Variants in PCDHGA1 observed in about 807,000 individuals in gnomAD.
PCDHGA1 encodes protocadherin gamma-A1.
A neutral mutation model predicts 58.0 loss-of-function variants in PCDHGA1; 32 were observed. The observed-to-expected ratio is 0.55, with a 90% CI of 0.42 to 0.74. The LOEUF is 0.74. Ranked by LOEUF, PCDHGA1 falls within the 30% of genes least tolerant of loss-of-function variation. The probability of loss-of-function intolerance (pLI) is 0.00; values close to 1 mark genes in which losing one functional copy is unlikely to be tolerated. For missense variants in PCDHGA1, 1,205 were observed against 1,182.3 expected, an observed-to-expected ratio of 1.02 and a Z score of -0.28; for synonymous variants, 498 against 501.1, an observed-to-expected ratio of 0.99 and a Z score of 0.08.
intron 1 of PCDHGA1, 179 bp downstream of exon 1, chr5:141,333,284 A>T: frequency 1.1e-6 from 1 of 949,320 alleles, no homozygotes. Context: ...TATATTTATA[A>T]TTGTTCTTGC....
At chr5:141,383,468 A>C in intron 1 of PCDHGA1, 1 of 1,613,774 alleles carries the variant, frequency 6.2e-7, no homozygotes, top group Non-Finnish European at 8.5e-7. Context: ...GATGAAACTA[A>C]GTACCCGGAA....
At chr5:141,344,232 G>C (rs762455729) in intron 1 of PCDHGA1, 2 of 1,614,044 alleles carry the variant, frequency 1.2e-6, no homozygotes, top group South Asian at 1.1e-5. Context: ...AGTCCGCATC[G>C]TCTCCAGAGG....
intron 1 of PCDHGA1, among the ~76,000 whole-genome samples, chr5:141,347,295 A>G (rs1045805514): frequency 2.0e-5 from 3 of 151,892 alleles, no homozygotes; most frequent in African/African-American, 7.3e-5. Flanking sequence ...CTGGGACTAC[A>G]GGCACGAGCC....
chr5:141,434,253 G>C (rs979768901), intron 1 of PCDHGA1, among the ~76,000 whole-genome samples: 9 of 152,198 alleles, frequency 5.9e-5, no homozygotes, highest in Non-Finnish European at 1.3e-4. Flanking sequence ...CTTGGGCATT[G>C]TGGGGGAGGT....
intron 1 of PCDHGA1, among the ~76,000 whole-genome samples, chr5:141,482,799 C>T (rs933003208): frequency 6.6e-6 from 1 of 152,086 alleles, no homozygotes; most frequent in Non-Finnish European, 1.5e-5. Flanking sequence ...TGGCCGGGTA[C>T]GGTGGCTCAT....
rs770596172 is a variant in PCDHGA1, at chr5:141,487,664, G to A, written c.2422-7143G>A. ...AATGCTTGAGGGTTATTCTGATCCA[G>A]GCATATGGCTAGGCCATGTCCTAGA... On this transcript the variant is annotated intron_variant, in intron 1 of 3. Transcript: ENST00000517417. The surrounding 1 kb of genome is among the most constrained non-coding windows in gnomAD (Gnocchi z 5.0). 1.9e-5 allele frequency: 31 copies of A among 1,613,048 alleles called. No individual in the cohort carries two copies. The South Asian group carries it at 3.4e-4, about 18-fold the overall frequency.
At chr5:141,506,910 G>C (rs1165112258) in intron 3 of PCDHGA1, among the ~76,000 whole-genome samples, 1 of 152,082 alleles carries the variant, frequency 6.6e-6, no homozygotes, top group Admixed American at 6.5e-5. Context: ...ATCACACCTG[G>C]GCACATACTA....
Position 141,343,949 on chromosome 5 carries a change from G to T in PCDHGA1, c.2421+10844G>T. On this transcript the variant is annotated intron_variant, in intron 1 of 3. Coordinates refer to ENST00000517417, the MANE Select transcript of PCDHGA1 (RefSeq NM_018912.3). ...TGACCTGTGAATTAGGCCCGTAAAAGACTTCGTTTCTTGAGAAAATAAGAT... is the reference window on the plus strand; with the variant it reads ...TGACCTGTGAATTAGGCCCGTAAAATACTTCGTTTCTTGAGAAAATAAGAT... The T allele has an allele frequency of 2.3e-6, 3 of 1,293,370 alleles. No individual in the cohort carries two copies. The South Asian group carries it at 4.9e-5, about 21-fold the overall frequency. 80.1% of individuals were successfully genotyped at this position (1,293,370 alleles called of 1,614,324 possible).
chr5:141,503,630 A>G, intron 2 of PCDHGA1, among the ~76,000 whole-genome samples: 1 of 152,088 alleles, frequency 6.6e-6, no homozygotes, highest in Admixed American at 6.6e-5. Flanking sequence ...AAGAAAAGAA[A>G]TAATTATTGA....
chr5:141,356,031 G>T (rs759003895), intron 1 of PCDHGA1: 1 of 1,613,836 alleles, frequency 6.2e-7, no homozygotes, highest in Admixed American at 1.7e-5. Flanking sequence ...ATGGAGACGT[G>T]ACGTATTCTT....
At chr5:141,488,978 C>T (rs1346335195) in intron 1 of PCDHGA1, 4 of 388,976 alleles carry the variant, frequency 1.0e-5, no homozygotes, top group African/African-American at 2.1e-5. Flanking sequence ...GCCAATCAGA[C>T]TCAGAGCTGA....
At chr5:141,356,327 C>G (rs1446078924) in intron 1 of PCDHGA1, 10 of 1,554,192 alleles carry the variant, frequency 6.4e-6, no homozygotes, top group African/African-American at 1.4e-5. Context: ...GACAGTGACT[C>G]AGGAGGAAAT....
intron 1 of PCDHGA1, chr5:141,412,940 T>G: frequency 2.2e-6 from 1 of 463,218 alleles, no homozygotes; most frequent in Non-Finnish European, 3.8e-6. Context: ...CTTAGGACTC[T>G]GAGCGCCGCT....
intron 1 of PCDHGA1, among the ~76,000 whole-genome samples, chr5:141,462,819 A>G (rs1182498111): frequency 6.6e-6 from 1 of 152,210 alleles, no homozygotes; most frequent in East Asian, 1.9e-4. Context: ...TTTATTGGAC[A>G]GCAGACATTG....
intron 1 of PCDHGA1, chr5:141,405,415 G>GT (rs757320616): frequency 1.9e-6 from 3 of 1,559,568 alleles, no homozygotes; most frequent in South Asian, 2.3e-5. Context: ...TTCTTTTTTT[G>GT]TTTTTTGTTT....
chr5:141,456,463 G>A (rs1195450847), intron 1 of PCDHGA1, among the ~76,000 whole-genome samples: 1 of 152,122 alleles, frequency 6.6e-6, no homozygotes, highest in Non-Finnish European at 1.5e-5. Context: ...ATCAATACAA[G>A]ACATATAAGC....
intron 1 of PCDHGA1, chr5:141,360,106 T>C: frequency 5.8e-6 from 9 of 1,552,260 alleles, no homozygotes; most frequent in Non-Finnish European, 7.8e-6. Flanking sequence ...TTATTCCTCC[T>C]ATGGGCAAAG....
At chr5:141,339,640 T>C (rs942526816) in intron 1 of PCDHGA1, 2 of 1,614,230 alleles carry the variant, frequency 1.2e-6, no homozygotes, top group South Asian at 1.1e-5. Flanking sequence ...CAGTGCTATC[T>C]GGCACCTCCC....
intron 1 of PCDHGA1, chr5:141,399,529 G>C: frequency 6.2e-7 from 1 of 1,614,010 alleles, no homozygotes; most frequent in African/African-American, 1.3e-5. Context: ...GGCCTCCATC[G>C]CGCAAGTCTG....
Sources: gnomAD v4.1 joint callset for allele counts (sites outside exome capture counted in the v4.1 genomes callset) on GRCh38, gnomAD v4.1.1 for gene constraint, Gnocchi (gnomAD v3.1) non-coding constraint, MANE v1.5 for transcripts, NCBI Gene and HGNC (gene_info 2026-07-23, HGNC 2026-07-21) for gene names.